TMEM132D: variants seen among roughly 807,000 people sequenced by gnomAD.
The protein encoded by TMEM132D is transmembrane protein 132D, also known as mature OL transmembrane protein.
TMEM132D carries 21 observed loss-of-function variants against 62.3 expected under a neutral mutation model. The observed-to-expected ratio is 0.34, with a 90% CI of 0.24 to 0.49. The LOEUF (loss-of-function observed/expected upper bound fraction) is 0.49. Among genes scored for constraint, TMEM132D ranks in the 20% least tolerant of loss-of-function variants. TMEM132D has a pLI of 0.99. For missense variants in TMEM132D, 1,346 were observed against 1,402.8 expected (o/e 0.96, Z 0.65); for synonymous variants, 621 against 575.6 (o/e 1.08, Z -1.13).
intron 3 of TMEM132D, among the ~76,000 whole-genome samples, chr12:129,453,720 G>T (rs1450212613): frequency 1.3e-5 from 2 of 152,104 alleles, no homozygotes; most frequent in East Asian, 3.9e-4. Flanking sequence ...TCTCTTCTTT[G>T]TTTGCTCCCT....
At chr12:129,130,534 C>A (rs1024660811) in intron 5 of TMEM132D, among the ~76,000 whole-genome samples, 1 of 152,154 alleles carries the variant, frequency 6.6e-6, no homozygotes, top group African/African-American at 2.4e-5. Context: ...CGTTCTAGAA[C>A]GTTCTTGACA....
chr12:129,737,103 A>G lies in TMEM132D; in HGVS notation c.80-36405T>C, dbSNP rs539369698. 1.7e-3 allele frequency among the ~76,000 whole-genome samples: 262 copies of G among 152,294 alleles called. 2 individuals carry two copies. The highest frequency in any genetic ancestry group is 0.014 in the Middle Eastern group (4 of 294). ...AGTGCTGGGATTACAGGCATGAGCC[A>G]CCGCACCCAGCCATGATGTGGTTTC... On this transcript the variant is annotated intron_variant, in intron 1 of 8. Coordinates refer to ENST00000422113, the MANE Select transcript of TMEM132D (RefSeq NM_133448.3).
intron 3 of TMEM132D, among the ~76,000 whole-genome samples, chr12:129,374,244 G>C (rs1238203480): frequency 1.5e-5 from 2 of 132,936 alleles, no homozygotes; most frequent in East Asian, 4.3e-4. Context: ...TGAAGGCAGT[G>C]CCTTCTCACT....
At chr12:129,119,328 G>A (rs1033721305) in intron 5 of TMEM132D, among the ~76,000 whole-genome samples, 3 of 152,110 alleles carry the variant, frequency 2.0e-5, no homozygotes, top group East Asian at 1.9e-4. Context: ...ACACTCAGAC[G>A]TTAGCCACGG....
rs1252462705 is a variant in TMEM132D, at chr12:129,145,134, TAAAAG to T, written c.1444-60437_1444-60433del. Among the ~76,000 whole-genome samples, 8 of 152,326 alleles carry T rather than the reference TAAAAG, an allele frequency of 5.3e-5. No homozygotes were observed. The East Asian group carries it at 5.8e-4, about 11-fold the overall frequency. On this transcript the variant is annotated intron_variant, in intron 5 of 8. Transcript: ENST00000422113. Reference sequence around the variant, plus strand: ...ATACATATGTATAAACACACATAATTAAAAGAAAAGTTATAAAAAGTAAGACTTCC... The same window carrying T: ...ATACATATGTATAAACACACATAATTAAAAGTTATAAAAAGTAAGACTTCC...
At chr12:129,219,950 C>T (rs1879307625) in intron 4 of TMEM132D, among the ~76,000 whole-genome samples, 1 of 152,142 alleles carries the variant, frequency 6.6e-6, no homozygotes, top group Non-Finnish European at 1.5e-5. Context: ...TTACTCTCTT[C>T]CTGGTGTGTG....
chr12:129,881,743 G>A (rs1874604047), intron 1 of TMEM132D, among the ~76,000 whole-genome samples: 1 of 151,712 alleles, frequency 6.6e-6, no homozygotes, highest in Admixed American at 6.6e-5. Context: ...ATAAAGAGGA[G>A]AAAATTAAAC....
At chr12:129,080,597 T>C (rs1311053368) in intron 7 of TMEM132D, among the ~76,000 whole-genome samples, 1 of 152,242 alleles carries the variant, frequency 6.6e-6, no homozygotes, top group African/African-American at 2.4e-5. Flanking sequence ...CATGCACAGC[T>C]GTTTTAGAAA....
chr12:129,539,666 C>T (rs1458012928), intron 2 of TMEM132D, among the ~76,000 whole-genome samples: 1 of 151,900 alleles, frequency 6.6e-6, no homozygotes, highest in Non-Finnish European at 1.5e-5. Flanking sequence ...CCTGCTTCAG[C>T]CTCTCAAAGT....
intron 3 of TMEM132D, among the ~76,000 whole-genome samples, chr12:129,529,284 G>A (rs1026371940): frequency 1.3e-5 from 2 of 152,200 alleles, no homozygotes; most frequent in African/African-American, 2.4e-5. Context: ...CAGGGTCCTC[G>A]TTTCTTAAAG....
intron 4 of TMEM132D, among the ~76,000 whole-genome samples, chr12:129,228,274 G>C (rs1393312535): frequency 6.6e-6 from 1 of 152,186 alleles, no homozygotes; most frequent in East Asian, 1.9e-4. Context: ...GGTTTTGCGT[G>C]CTGAAAATGT....
intron 4 of TMEM132D, among the ~76,000 whole-genome samples, chr12:129,291,585 A>T (rs1881447516): frequency 6.6e-6 from 1 of 152,186 alleles, no homozygotes; most frequent in Admixed American, 6.5e-5. Flanking sequence ...GGCTACGGAA[A>T]ATGTCTGTAA....
At chr12:129,744,470 G>T (rs1869710218) in intron 1 of TMEM132D, among the ~76,000 whole-genome samples, 1 of 152,090 alleles carries the variant, frequency 6.6e-6, no homozygotes, top group African/African-American at 2.4e-5. Flanking sequence ...ACAAACATAT[G>T]CCTGTAGGTA....
chr12:129,239,042 T>A (rs944360339), intron 4 of TMEM132D, among the ~76,000 whole-genome samples: 9 of 151,038 alleles, frequency 6.0e-5, no homozygotes, highest in Non-Finnish European at 1.2e-4. Flanking sequence ...GGGTTTGAAG[T>A]AATATCTCAC....
intron 4 of TMEM132D, among the ~76,000 whole-genome samples, chr12:129,230,590 G>A (rs1303189367): frequency 6.6e-6 from 1 of 152,226 alleles, no homozygotes; most frequent in Non-Finnish European, 1.5e-5. Flanking sequence ...ATGGGGTGAA[G>A]CCACACTACT....
At chr12:129,788,490 A>C (rs1424775183) in intron 1 of TMEM132D, among the ~76,000 whole-genome samples, 17 of 152,272 alleles carry the variant, frequency 1.1e-4, no homozygotes, top group Admixed American at 1.1e-3. Context: ...ATTTTTCAGC[A>C]GAAGAGATAT....
intron 2 of TMEM132D, among the ~76,000 whole-genome samples, chr12:129,626,749 C>A (rs1879228411): frequency 6.6e-6 from 1 of 152,152 alleles, no homozygotes; most frequent in Non-Finnish European, 1.5e-5. Context: ...AGCCACCAGG[C>A]CGGCCTAGTG....
intron 2 of TMEM132D, among the ~76,000 whole-genome samples, chr12:129,552,252 C>T (rs1461804042): frequency 2.1e-5 from 1 of 47,830 alleles, no homozygotes; most frequent in African/African-American, 1.0e-4. Context: ...CTGTTTTCTT[C>T]CATATTAAAA....
intron 3 of TMEM132D, among the ~76,000 whole-genome samples, chr12:129,398,594 A>G (rs1482485878): frequency 6.6e-6 from 1 of 152,208 alleles, no homozygotes; most frequent in Admixed American, 6.5e-5. Context: ...GGGGTTGGCT[A>G]TGCATGATGA....
Sources: gnomAD v4.1 joint callset for allele counts (sites outside exome capture counted in the v4.1 genomes callset) on GRCh38, gnomAD v4.1.1 for gene constraint, MANE v1.5 for transcripts, NCBI Gene and HGNC (gene_info 2026-07-23, HGNC 2026-07-21) for gene names.